ZNF148: variants seen among roughly 807,000 people sequenced by gnomAD.
ZNF148 encodes Beta-Enolase Repressor Factor-1.
A neutral mutation model predicts 67.7 loss-of-function variants in ZNF148; 7 were observed. That is an observed-to-expected ratio of 0.10 (90% CI 0.06 to 0.19). The LOEUF (loss-of-function observed/expected upper bound fraction) is 0.19. Among genes scored for constraint, ZNF148 ranks in the 10% least tolerant of loss-of-function variants. The pLI, the probability that ZNF148 is intolerant of heterozygous loss-of-function variation, is 1.00. For missense variants in ZNF148, 583 were observed against 947.1 expected (o/e 0.62, Z 5.05); for synonymous variants, 333 against 330.7 (o/e 1.01, Z -0.08).
At chr3:125,366,341 T>C (rs1045211104) in intron 1 of ZNF148, among the ~76,000 whole-genome samples, 5 of 152,164 alleles carry the variant, frequency 3.3e-5, no homozygotes, top group African/African-American at 1.2e-4. Context: ...CTACATCATA[T>C]CAAATACAAA....
chr3:125,355,741 AT>A (rs1942318621), intron 1 of ZNF148, among the ~76,000 whole-genome samples: 1 of 142,666 alleles, frequency 7.0e-6, no homozygotes, highest in African/African-American at 2.6e-5. Context: ...AAAAAAAAAA[AT>A]TGCAACTCAC....
intron 7 of ZNF148, among the ~76,000 whole-genome samples, chr3:125,268,698 G>C (rs1390833048): frequency 1.3e-5 from 2 of 152,152 alleles, no homozygotes; most frequent in East Asian, 3.9e-4. Context: ...AAAACTGACA[G>C]GCAGGACATA....
At chr3:125,326,434 C>G (rs1177481421) in intron 2 of ZNF148, among the ~76,000 whole-genome samples, 2 of 151,374 alleles carry the variant, frequency 1.3e-5, no homozygotes, top group Non-Finnish European at 2.9e-5. Flanking sequence ...AATAAGCAGC[C>G]TGTTAAAATG....
chr3:125,238,096 C>T (rs1296559632), intron 7 of ZNF148, among the ~76,000 whole-genome samples: 2 of 152,074 alleles, frequency 1.3e-5, no homozygotes, highest in Non-Finnish European at 2.9e-5. Flanking sequence ...CCCCCCCCAA[C>T]CAACTCCCAC....
intron 1 of ZNF148, among the ~76,000 whole-genome samples, chr3:125,350,697 G>A (rs1579875292): frequency 6.6e-6 from 1 of 152,186 alleles, no homozygotes; most frequent in East Asian, 1.9e-4. Context: ...GAGAATGTAA[G>A]AGAATCTAAT....
chr3:125,255,923 G>A (rs571291878), intron 7 of ZNF148, among the ~76,000 whole-genome samples: 1 of 151,686 alleles, frequency 6.6e-6, no homozygotes, highest in East Asian at 1.9e-4. Flanking sequence ...GTGCCTCCTT[G>A]GTTCGTTTTT....
intron 1 of ZNF148, among the ~76,000 whole-genome samples, chr3:125,361,563 G>A (rs1360948614): frequency 6.6e-6 from 1 of 152,122 alleles, no homozygotes; most frequent in Non-Finnish European, 1.5e-5. Flanking sequence ...CGGGTGTGGT[G>A]GCTCACGTCT....
At chr3:125,352,001 C>T (rs1290071962) in intron 1 of ZNF148, among the ~76,000 whole-genome samples, 1 of 151,992 alleles carries the variant, frequency 6.6e-6, no homozygotes, top group Admixed American at 6.6e-5. Flanking sequence ...AATGGTTAAA[C>T]AGAGGTACCA....
intron 1 of ZNF148, chr3:125,344,196 G>T: frequency 6.3e-6 from 2 of 319,396 alleles, no homozygotes; most frequent in South Asian, 6.3e-5. Context: ...TCTTTGTAGT[G>T]ATTTTTCTGC....
intron 1 of ZNF148, among the ~76,000 whole-genome samples, chr3:125,360,808 A>T (rs1361379932): frequency 1.3e-5 from 2 of 150,330 alleles, no homozygotes; most frequent in Non-Finnish European, 3.0e-5. Context: ...GGAAGACCAC[A>T]TCTCTTTAAA....
chr3:125,301,117 T>C lies in ZNF148; in HGVS notation c.333+12191A>G, dbSNP rs368213274. Among the ~76,000 whole-genome samples the C allele has an allele frequency of 2.0e-5, 3 of 152,378 alleles. No individual in the cohort carries two copies. In the South Asian group the frequency reaches 6.2e-4, roughly 32 times the overall value. On this transcript the variant is annotated intron_variant, in intron 4 of 8. Transcript: ENST00000360647. ...GACTACTGAACACTTGAAATGTGAC[T>C]AGTGTGACCAAGGAACTGAAAAATT...
At chr3:125,259,181 G>C (rs4679375) in intron 7 of ZNF148, among the ~76,000 whole-genome samples, 117,203 of 152,050 alleles carry the variant, frequency 0.77, 45,661 homozygotes, top group African/African-American at 0.85. Flanking sequence ...AGGAAAGAAA[G>C]AATCCAATTT....
chr3:125,276,081 T>C (rs1452270395), intron 7 of ZNF148, among the ~76,000 whole-genome samples: 1 of 152,250 alleles, frequency 6.6e-6, no homozygotes, highest in South Asian at 2.1e-4. Flanking sequence ...CCTTCTGTTA[T>C]CTATTTCTGG....
intron 1 of ZNF148, among the ~76,000 whole-genome samples, chr3:125,350,891 T>C (rs1369659188): frequency 4.6e-5 from 7 of 152,220 alleles, no homozygotes; most frequent in Non-Finnish European, 1.0e-4. Flanking sequence ...GTTGACAACA[T>C]GGATGAACCT....
chr3:125,304,574 C>T (rs950058573), intron 4 of ZNF148, among the ~76,000 whole-genome samples: 10 of 152,112 alleles, frequency 6.6e-5, no homozygotes. Flanking sequence ...AGTAAATATG[C>T]TGAGATAACA....
intron 7 of ZNF148, among the ~76,000 whole-genome samples, chr3:125,265,407 T>G (rs955519874): frequency 1.3e-5 from 2 of 152,238 alleles, no homozygotes; most frequent in African/African-American, 4.8e-5. Flanking sequence ...CAAAGGCTTC[T>G]GCATAAGCCA....
intron 7 of ZNF148, among the ~76,000 whole-genome samples, chr3:125,273,597 G>A (rs916353095): frequency 2.0e-5 from 3 of 151,532 alleles, no homozygotes; most frequent in Non-Finnish European, 4.4e-5. Flanking sequence ...AGGTTCAGGC[G>A]ATTCTCCTGC....
intron 4 of ZNF148, among the ~76,000 whole-genome samples, chr3:125,301,755 C>G (rs1010613396): frequency 6.6e-6 from 1 of 152,080 alleles, no homozygotes; most frequent in East Asian, 1.9e-4. Context: ...GATCAATGTT[C>G]TCTCTTCAAT....
chr3:125,256,419 G>A (rs928346133), intron 7 of ZNF148, among the ~76,000 whole-genome samples: 5 of 151,258 alleles, frequency 3.3e-5, no homozygotes, highest in Non-Finnish European at 5.9e-5. Flanking sequence ...GCTCATGCCC[G>A]TAATCCCAGC....
Sources: gnomAD v4.1 joint callset for allele counts (sites outside exome capture counted in the v4.1 genomes callset) on GRCh38, gnomAD v4.1.1 for gene constraint, MANE v1.5 for transcripts, NCBI Gene and HGNC (gene_info 2026-07-23, HGNC 2026-07-21) for gene names.